Variants in TCF25 observed in about 807,000 individuals in gnomAD.
The protein encoded by TCF25 is ribosome quality control complex subunit TCF25.
A neutral mutation model predicts 83.1 loss-of-function variants in TCF25; 41 were observed. The ratio of observed to expected loss-of-function variants is 0.49; its 90% CI spans 0.38 to 0.64. TCF25 has a LOEUF of 0.64. Ranked by LOEUF, TCF25 falls within the 30% of genes least tolerant of loss-of-function variation. The pLI is 0.00. For synonymous variants in TCF25, 458 were observed against 365.0 expected (o/e 1.25, Z -2.90); for missense variants, 979 against 914.5 (o/e 1.07, Z -0.91).
rs528227919 is a variant in TCF25, at chr16:89,887,525, C to T, written c.549-127C>T. 13 of 795,724 alleles carry T rather than the reference C, an allele frequency of 1.6e-5. No homozygotes were observed. The East Asian group carries it at 3.8e-4, about 24-fold the overall frequency. The allele number at this position is 795,724 out of a possible 1,614,324, so 49.3% of individuals were successfully genotyped here. ...TTGGGGTGGTGATTTTAGAGAAAGG[C>T]CTGGAAGCTGCCTTTCAAACCAAAA... is the stretch of plus-strand genomic sequence containing the variant. On this transcript the variant is annotated intron_variant, in intron 4 of 17. Coordinates refer to ENST00000263346, the MANE Select transcript of TCF25 (RefSeq NM_014972.3).
rs369976499 is a variant in TCF25 at position 89,900,635 on chromosome 16, G to T, written c.1222G>T (p.Ala408Ser). 9 of 1,585,702 alleles carry T rather than the reference G, an allele frequency of 5.7e-6. No homozygotes were observed. Among genetic ancestry groups the T allele is most frequent in the Non-Finnish European group, 7.8e-6 (9 of 1,156,674 alleles). ...CGCTCTGTTTCTTCGTCCCTCGTAG[G>T]CTCATCGGAACCTGTCCCAGCTCCC... ...YLIRLFQEWEAHRNLSQLPNF... is the reference protein window; with the variant it reads ...YLIRLFQEWESHRNLSQLPNF... Residue 408 changes from alanine (A) to serine (S), a missense_variant and splice_region_variant, in exon 12 of 18, where the codon GCT (alanine) becomes TCT (serine). Physicochemically the swap from Ala to Ser is moderately conservative, Grantham distance 99. Transcript: ENST00000263346.
rs1328793000 is a variant in TCF25, at chr16:89,892,293, C to G, written c.697+18C>G. On this transcript the variant is annotated intron_variant, in intron 6 of 17. Coordinates refer to ENST00000263346, the MANE Select transcript of TCF25 (RefSeq NM_014972.3). The stretch of plus-strand genomic sequence containing the variant: ...CAAACCAGGTGAGGGTCTGCAGATG[C>G]TGCTGGGGATGGAGGGTTGGGGGGC... 1 of 1,603,454 alleles carries G rather than the reference C, an allele frequency of 6.2e-7. No individual in the cohort carries two copies. The highest frequency in any genetic ancestry group is 8.5e-7 in the Non-Finnish European group (1 of 1,175,568).
chr16:89,897,841 C>T lies in TCF25; in HGVS notation c.1023-716C>T, dbSNP rs184695855. 2.9e-3 allele frequency among the ~76,000 whole-genome samples: 437 copies of T among 152,244 alleles called. 3 individuals carry two copies. The highest frequency in any genetic ancestry group is 0.01 in the African/African-American group (420 of 41,542). Reference sequence around the variant, plus strand: ...AAACAAGATAAAGATTTCAGCGGGGCGTGGTGGCTCACGCTTGTAATCTCA... The same window carrying T: ...AAACAAGATAAAGATTTCAGCGGGGTGTGGTGGCTCACGCTTGTAATCTCA... On this transcript the variant is annotated intron_variant, in intron 9 of 17. Transcript: ENST00000263346.
Position 89,883,445 on chromosome 16 carries a change from G to T in TCF25, c.287G>T (p.Arg96Met). 2 of 1,614,060 alleles carry T rather than the reference G, an allele frequency of 1.2e-6. No individual in the cohort carries two copies. Among genetic ancestry groups the T allele is most frequent in the Non-Finnish European group, 1.7e-6 (2 of 1,180,016 alleles). The change falls in exon 2 of 18, where the codon AGG becomes ATG. Residue 96 changes from arginine to methionine, a missense_variant. Physicochemically the swap from Arg to Met is moderately conservative, Grantham distance 91. Transcript: ENST00000263346. ...GCTGTGGCACCAGGGAACAAAGGAA[G>T]GGGTCAGCGTGGAAACACAGAGAGC... is the stretch of plus-strand genomic sequence containing the variant. ...TDAVAPGNKG[R>M]GQRGNTESKT...
chr16:89,885,972 G>A lies in TCF25; in HGVS notation c.548+6G>A, dbSNP rs1295585867. 6.2e-7 allele frequency: 1 copy of A among 1,612,720 alleles called. No homozygotes were observed. The highest frequency in any genetic ancestry group is 1.3e-5 in the African/African-American group (1 of 75,002). ...GTTCTCTACGTGGAGCACAGGTGTG[G>A]CCCCCGCCCTTCTCTGCGGCTGCCC... is the stretch of plus-strand genomic sequence containing the variant. On this transcript the variant is annotated splice_donor_region_variant and intron_variant, in intron 4 of 17. Transcript: ENST00000263346.
chr16:89,876,675 C>G (rs1336601757), intron 1 of TCF25, among the ~76,000 whole-genome samples: 1 of 152,072 alleles, frequency 6.6e-6, no homozygotes, highest in African/African-American at 2.4e-5. Context: ...GCCTGTATTC[C>G]CAGCACTTTG....
rs2044580180 is a variant in TCF25 at position 89,904,169 on chromosome 16, C to T, written c.1433C>T (p.Ser478Phe). The change falls in exon 13 of 18, where the codon TCC becomes TTC. Residue 478 changes from serine (S) to phenylalanine (F), a missense_variant. Transcript: ENST00000263346. ...AGTGTGCGGCCCGACGCCAGCGTTT[C>T]CAGTCACCGCTTCTTTGGACCCAAT... is the stretch of plus-strand genomic sequence containing the variant. ...SCSVRPDASV[S>F]SHRFFGPNAE... is the part of the protein sequence containing the mutation. The T allele has an allele frequency of 1.9e-6, 3 of 1,600,852 alleles. No individual in the cohort carries two copies. Among genetic ancestry groups the T allele is most frequent in the Non-Finnish European group, 2.6e-6 (3 of 1,173,796 alleles).
chr16:89,900,554 G>C lies in TCF25; in HGVS notation c.1222-81G>C, dbSNP rs2144204121. On this transcript the variant is annotated intron_variant, in intron 11 of 17. Coordinates refer to ENST00000263346, the MANE Select transcript of TCF25 (RefSeq NM_014972.3). ...TACCTGCTCGGGGTAGGGCTCACTG[G>C]TGATGTCAGAGCGTCTGCAAACTCA... 5 of 1,470,116 alleles carry C rather than the reference G, an allele frequency of 3.4e-6. No homozygotes were observed. The Admixed American group carries it at 5.8e-5, about 17-fold the overall frequency. The allele number at this position is 1,470,116 out of a possible 1,614,324, so 91.1% of individuals were successfully genotyped here. A position where few individuals can be genotyped will look rare whatever the true frequency, so the allele number is the denominator to read the frequency against.
At chr16:89,904,540 G>A in intron 13 of TCF25, 1 of 490,166 alleles carries the variant, frequency 2.0e-6, no homozygotes, top group East Asian at 3.9e-5. Flanking sequence ...TGTTTGTGCT[G>A]CTGCACTCCA....
chr16:89,898,602 G>A lies in TCF25; in HGVS notation c.1068G>A (p.Lys356=), dbSNP rs781542256. ...ACAAGCAGATGAGCTTCCTGGAGAA[G>A]CGAGGCTGCCCGCGCACGGCGCTGG... The part of the protein sequence containing the change: ...ALYKQMSFLE[K]RGCPRTALEY... The change falls in exon 10 of 18, where the codon AAG becomes AAA. Residue 356 remains lysine, a synonymous_variant. Transcript: ENST00000263346. The A allele has an allele frequency of 6.2e-7, 1 of 1,613,210 alleles. No individual in the cohort carries two copies. Among genetic ancestry groups the A allele is most frequent in the Non-Finnish European group, 8.5e-7 (1 of 1,180,032 alleles).
chr16:89,884,010 G>T, intron 2 of TCF25: 1 of 167,014 alleles, frequency 6.0e-6, no homozygotes, highest in Admixed American at 5.6e-5. Flanking sequence ...GGCCCTAAAA[G>T]GAGAGCTTGT....
intron 16 of TCF25, among the ~76,000 whole-genome samples, 171 bp downstream of exon 16, chr16:89,907,493 ACCTCCCTCCTCCCACCTCCCACCTCCCT>A (rs2044957943): frequency 3.0e-4 from 6 of 20,136 alleles, no homozygotes; most frequent in East Asian, 1.3e-3. Context: ...CCCAGCTCCC[ACCTCCCTCCTCCCACCTCCCACCTCCCT>A]CCTCCCAGTT....
chr16:89,886,782 C>A (rs549247586), intron 4 of TCF25, among the ~76,000 whole-genome samples: 1 of 151,050 alleles, frequency 6.6e-6, no homozygotes, highest in Non-Finnish European at 1.5e-5. Context: ...AAAAAAAATA[C>A]AAAAATTAGC....
At chr16:89,891,800 C>A (rs2043451862) in intron 5 of TCF25, among the ~76,000 whole-genome samples, 1 of 152,126 alleles carries the variant, frequency 6.6e-6, no homozygotes, top group Admixed American at 6.5e-5. Flanking sequence ...GGCTGGAGTG[C>A]TGGGATCACA....
chr16:89,895,496 A>G (rs997364963), intron 8 of TCF25, among the ~76,000 whole-genome samples: 6 of 152,052 alleles, frequency 3.9e-5, no homozygotes, highest in Non-Finnish European at 8.8e-5. Flanking sequence ...ATGAGCCACC[A>G]CGCCCCGCCC....
chr16:89,878,555 C>T (rs1482930958), intron 1 of TCF25: 3 of 1,200,074 alleles, frequency 2.5e-6, no homozygotes, highest in South Asian at 1.5e-5. Context: ...TAAAGAAGAT[C>T]AGTCGTGGAC....
chr16:89,907,218 C>T lies in TCF25; in HGVS notation c.1720-25C>T, dbSNP rs758747056. On this transcript the variant is annotated intron_variant, in intron 15 of 17. Coordinates refer to ENST00000263346, the MANE Select transcript of TCF25 (RefSeq NM_014972.3). ...GGCCCCCTGGCAGCATCTGTAGCAT[C>T]TTCGTTTTATGTCCCTTTCTGAAGG... The T allele has an allele frequency of 5.0e-6, 8 of 1,611,944 alleles. No homozygotes were observed. The Admixed American group carries it at 1.2e-4, about 24-fold the overall frequency.
chr16:89,906,404 G>A (rs1335080083), intron 15 of TCF25, 120 bp downstream of exon 15: 8 of 925,430 alleles, frequency 8.6e-6, no homozygotes, highest in Admixed American at 6.2e-5. Context: ...GCCCAGCCCC[G>A]CCACGGCAGG....
intron 1 of TCF25, chr16:89,878,433 C>CCT: frequency 2.3e-6 from 2 of 862,020 alleles, no homozygotes; most frequent in Non-Finnish European, 3.1e-6. Flanking sequence ...TAAAAATCAC[C>CCT]ATTTTTTTTT....
Sources: allele counts gnomAD v4.1 joint callset (sites outside exome capture counted in the v4.1 genomes callset), GRCh38; gene constraint gnomAD v4.1.1; transcripts MANE v1.5; gene names NCBI Gene and HGNC (gene_info 2026-07-23, HGNC 2026-07-21).